Variants in TNNI3K observed in about 807,000 individuals in gnomAD.
The protein encoded by TNNI3K is serine/threonine-protein kinase TNNI3K.
A neutral mutation model predicts 114.5 loss-of-function variants in TNNI3K; 140 were observed. The ratio of observed to expected loss-of-function variants is 1.22; its 90% CI spans 1.07 to 1.41. The LOEUF is 1.41. Among genes scored for constraint, TNNI3K ranks in the 40% most tolerant of loss-of-function variants. TNNI3K has a pLI of 0.00. For synonymous variants in TNNI3K, 347 were observed against 347.5 expected, an observed-to-expected ratio of 1.00 and a Z score of 0.02; for missense variants, 1,125 against 1,007.6, an observed-to-expected ratio of 1.12 and a Z score of -1.58.
At chr1:74,413,523 T>G (rs551809412) in intron 17 of TNNI3K, among the ~76,000 whole-genome samples, 4 of 152,342 alleles carry the variant, frequency 2.6e-5, no homozygotes, top group African/African-American at 7.2e-5. Context: ...GATATGTTAA[T>G]GTTTAAGAAA....
intron 20 of TNNI3K, among the ~76,000 whole-genome samples, chr1:74,446,112 C>A (rs1334615985): frequency 6.6e-6 from 1 of 152,032 alleles, no homozygotes; most frequent in Non-Finnish European, 1.5e-5. Context: ...GAGGAATCGC[C>A]ACACTGACTT....
intron 20 of TNNI3K, among the ~76,000 whole-genome samples, chr1:74,452,459 CTCTT>C (rs1667068698): frequency 6.6e-6 from 1 of 152,050 alleles, no homozygotes. Context: ...ATTTATTTCT[CTCTT>C]TCTTTCTTTT....
chr1:74,289,052 G>T (rs1465834582), intron 5 of TNNI3K, among the ~76,000 whole-genome samples: 1 of 91,252 alleles, frequency 1.1e-5, no homozygotes, highest in Non-Finnish European at 2.2e-5. Flanking sequence ...TCCACATAGT[G>T]TGGTTAAACA....
intron 4 of TNNI3K, among the ~76,000 whole-genome samples, chr1:74,267,265 G>A (rs949980082): frequency 7.9e-5 from 12 of 151,868 alleles, no homozygotes; most frequent in African/African-American, 2.9e-4. Flanking sequence ...TTTTCCAGGA[G>A]GTGTGTACCA....
chr1:74,274,064 T>C (rs1198915847), intron 5 of TNNI3K, among the ~76,000 whole-genome samples: 3 of 151,954 alleles, frequency 2.0e-5, no homozygotes, highest in Non-Finnish European at 2.9e-5. Context: ...CTTAATTATT[T>C]ATAGCCTACT....
intron 21 of TNNI3K, among the ~76,000 whole-genome samples, chr1:74,481,865 T>C (rs1331816195): frequency 1.3e-5 from 2 of 152,208 alleles, no homozygotes; most frequent in African/African-American, 4.8e-5. Flanking sequence ...GGGAGGTCTA[T>C]AGGTGATATT....
At chr1:74,543,880 A>G (rs765691939) in intron 24 of TNNI3K, 26 bp from the exon 25 acceptor site, 6 of 1,613,226 alleles carry the variant, frequency 3.7e-6, no homozygotes, top group Middle Eastern at 1.6e-4. Flanking sequence ...CTAGTAAGTA[A>G]CAACTGAACT....
chr1:74,341,586 G>C (rs1194924353), intron 7 of TNNI3K: 1 of 148,252 alleles, frequency 6.7e-6, no homozygotes, highest in African/African-American at 2.5e-5. Flanking sequence ...TTACTTTCAA[G>C]TATTAGAAAC....
chr1:74,472,237 C>T, intron 21 of TNNI3K: 3 of 713,676 alleles, frequency 4.2e-6, no homozygotes, highest in Non-Finnish European at 7.8e-6. Context: ...TAGCACTTAG[C>T]AGAGTTTTAT....
intron 2 of TNNI3K, among the ~76,000 whole-genome samples, chr1:74,247,648 A>G (rs933327504): frequency 2.6e-5 from 4 of 152,074 alleles, no homozygotes; most frequent in Non-Finnish European, 4.4e-5. Context: ...TGATTGGTGC[A>G]TTTACAATCC....
At chr1:74,421,981 TTATTATTA>T (rs1490179081) in intron 17 of TNNI3K, among the ~76,000 whole-genome samples, 1 of 139,094 alleles carries the variant, frequency 7.2e-6, no homozygotes, top group East Asian at 2.1e-4. Flanking sequence ...ATTATTATTA[TTATTATTA>T]TTATTTATTT....
At chr1:74,340,950 C>G (rs1570487738) in intron 7 of TNNI3K, among the ~76,000 whole-genome samples, 1 of 152,278 alleles carries the variant, frequency 6.6e-6, no homozygotes, top group East Asian at 1.9e-4. Flanking sequence ...TTTGTAATAA[C>G]AGCCTTGGGA....
chr1:74,465,957 T>C (rs901589767), intron 21 of TNNI3K, among the ~76,000 whole-genome samples: 7 of 152,174 alleles, frequency 4.6e-5, no homozygotes, highest in African/African-American at 1.7e-4. Context: ...GGTCATCTTC[T>C]GTATTGTGGA....
chr1:74,425,648 C>T (rs1665601506), intron 17 of TNNI3K, among the ~76,000 whole-genome samples: 1 of 152,040 alleles, frequency 6.6e-6, no homozygotes. Flanking sequence ...TTCGGTGGAG[C>T]TTCTAACCTT....
At chr1:74,510,477 T>C (rs1369927574) in intron 23 of TNNI3K, among the ~76,000 whole-genome samples, 5 of 152,112 alleles carry the variant, frequency 3.3e-5, no homozygotes, top group South Asian at 4.1e-4. Context: ...CACTGCACTC[T>C]AGCCTGGGTG....
intron 4 of TNNI3K, among the ~76,000 whole-genome samples, chr1:74,258,047 G>T (rs2100865023): frequency 6.6e-6 from 1 of 152,162 alleles, no homozygotes. Context: ...TGATTTTTTG[G>T]CATGTCACCT....
Position 74,465,459 on chromosome 1 carries a change from G to A in TNNI3K, c.2121+1909G>A, listed in dbSNP as rs150219517. Among the ~76,000 whole-genome samples, 1,329 of 152,270 alleles carry A rather than the reference G, an allele frequency of 8.7e-3. 16 individuals are homozygous for A. The highest frequency in any genetic ancestry group is 0.028 in the African/African-American group (1,173 of 41,560). ...GCAACACTGCTGGCCCGCCCGCACC[G>A]TGCTCAAATTCTCACCAGGCCTCAG... On this transcript the variant is annotated intron_variant, in intron 21 of 24. Transcript: ENST00000326637.
intron 23 of TNNI3K, among the ~76,000 whole-genome samples, chr1:74,536,153 A>C (rs926957267): frequency 6.6e-6 from 1 of 152,190 alleles, no homozygotes; most frequent in Admixed American, 6.5e-5. Context: ...AGTTGAGTCT[A>C]TATTTGCATA....
chr1:74,498,726 T>TCC lies in TNNI3K; in HGVS notation c.2351+6460_2351+6461insCC, dbSNP rs1557608519. Among the ~76,000 whole-genome samples the TCC allele has an allele frequency of 7.0e-4, 106 of 152,218 alleles. 1 individual carries two copies. Among genetic ancestry groups the TCC allele is most frequent in the African/African-American group, 2.4e-3 (101 of 41,498 alleles). ...TAGATATTCCACTACTTTTCCAGTC[T>TCC]TCCCCCCGACTATTAGCACACTAAA... is the stretch of plus-strand genomic sequence containing the variant. On this transcript the variant is annotated intron_variant, in intron 23 of 24. Transcript: ENST00000326637.
Sources: gnomAD v4.1 joint callset for allele counts (sites outside exome capture counted in the v4.1 genomes callset) on GRCh38, gnomAD v4.1.1 for gene constraint, MANE v1.5 for transcripts, NCBI Gene and HGNC (gene_info 2026-07-23, HGNC 2026-07-21) for gene names.